The following ROBO2 variants were observed in gnomAD, a reference collection of about 807,000 sequenced individuals.
ROBO2 encodes the protein roundabout homolog 2.
In ROBO2, 53 loss-of-function variants were observed where a neutral mutation model predicts 160.8. The ratio of observed to expected loss-of-function variants is 0.33; its 90% CI spans 0.26 to 0.41. The LOEUF is 0.41. ROBO2 is among the 10% of genes least tolerant of loss of function. ROBO2 has a pLI of 1.00. For missense variants in ROBO2, 1,577 were observed against 1,722.4 expected (o/e 0.92, Z 1.49); for synonymous variants, 664 against 611.7 (o/e 1.09, Z -1.26).
chr3:77,029,049 G>T (rs1221830195), intron 2 of ROBO2, among the ~76,000 whole-genome samples: 3 of 152,110 alleles, frequency 2.0e-5, no homozygotes, highest in Non-Finnish European at 4.4e-5. Flanking sequence ...TATAAATATT[G>T]CTAGTGATAC....
chr3:77,153,845 G>T (rs1334446253), intron 2 of ROBO2, among the ~76,000 whole-genome samples: 2 of 151,666 alleles, frequency 1.3e-5, no homozygotes, highest in African/African-American at 4.8e-5. Flanking sequence ...TTTATAATCG[G>T]GTTATAGCCC....
At chr3:76,399,856 G>T (rs925676291) in intron 2 of ROBO2, among the ~76,000 whole-genome samples, 2 of 151,608 alleles carry the variant, frequency 1.3e-5, no homozygotes, top group African/African-American at 4.8e-5. Flanking sequence ...GAAAAACTAG[G>T]CTCATAGTAT....
At chr3:77,321,982 A>G (rs1156552799) in intron 2 of ROBO2, among the ~76,000 whole-genome samples, 1 of 152,172 alleles carries the variant, frequency 6.6e-6, no homozygotes, top group Admixed American at 6.5e-5. Flanking sequence ...AGTGGTTCTG[A>G]GCAATCAGGA....
At chr3:77,529,350 T>A (rs1041168281) in intron 6 of ROBO2, among the ~76,000 whole-genome samples, 19 of 151,672 alleles carry the variant, frequency 1.3e-4, no homozygotes, top group Non-Finnish European at 2.4e-4. Flanking sequence ...GATGAATGAT[T>A]GAAAACATTT....
At chr3:77,128,440 G>T (rs377296247) in intron 2 of ROBO2, among the ~76,000 whole-genome samples, 2 of 152,266 alleles carry the variant, frequency 1.3e-5, no homozygotes, top group East Asian at 1.9e-4. Flanking sequence ...GTTTTCGAAT[G>T]TATCCCTCAT....
intron 2 of ROBO2, among the ~76,000 whole-genome samples, chr3:76,421,055 T>C (rs192316035): frequency 2.3e-4 from 35 of 152,338 alleles, no homozygotes; most frequent in Admixed American, 2.0e-3. Flanking sequence ...GGGGTATAGC[T>C]AGTTTCACAA....
chr3:76,962,097 G>A (rs1392811260), intron 2 of ROBO2, among the ~76,000 whole-genome samples: 1 of 152,132 alleles, frequency 6.6e-6, no homozygotes, highest in Non-Finnish European at 1.5e-5. Flanking sequence ...CACTTTGGGA[G>A]TCCAAGACGG....
At chr3:76,966,352 C>T (rs1344312812) in intron 2 of ROBO2, among the ~76,000 whole-genome samples, 2 of 152,174 alleles carry the variant, frequency 1.3e-5, no homozygotes, top group Non-Finnish European at 2.9e-5. Context: ...CAGAGATTTA[C>T]CTGTTATTTC....
intron 2 of ROBO2, among the ~76,000 whole-genome samples, chr3:76,771,192 C>T (rs2061883577): frequency 6.6e-6 from 1 of 151,102 alleles, no homozygotes. Flanking sequence ...GAAACATAAC[C>T]AGATTTTCAG....
chr3:76,909,560 A>T (rs6767952), intron 2 of ROBO2, among the ~76,000 whole-genome samples: 6 of 152,284 alleles, frequency 3.9e-5, no homozygotes, highest in Admixed American at 3.3e-4. Context: ...GAAACAAAAA[A>T]AATAATAATT....
intron 2 of ROBO2, among the ~76,000 whole-genome samples, chr3:76,513,006 A>C (rs781214292): frequency 6.6e-6 from 1 of 152,212 alleles, no homozygotes; most frequent in Non-Finnish European, 1.5e-5. Context: ...CCAGAAATAC[A>C]TAACACAGTT....
chr3:77,240,205 C>G (rs778783036), intron 2 of ROBO2, among the ~76,000 whole-genome samples: 31 of 152,134 alleles, frequency 2.0e-4, no homozygotes, highest in Admixed American at 4.6e-4. Flanking sequence ...TCGGGCATGG[C>G]AGGCTGCAGG....
chr3:77,317,222 C>T (rs542977545), intron 2 of ROBO2: 15 of 817,240 alleles, frequency 1.8e-5, no homozygotes, highest in South Asian at 5.4e-5. Flanking sequence ...TGGAAATCCA[C>T]GTCACAGCCC....
Position 76,077,585 on chromosome 3 carries a change from T to C in ROBO2, c.109+139983T>C, listed in dbSNP as rs184370970. 1.1e-3 allele frequency among the ~76,000 whole-genome samples: 171 copies of C among 152,002 alleles called. 1 individual carries two copies. The highest frequency in any genetic ancestry group is 3.9e-3 in the African/African-American group (163 of 41,510). ...CTCAAAATAATATTAACAATAATAA[T>C]AATAATAAAATCATAATGAATTTTC... On this transcript the variant is annotated intron_variant, in intron 2 of 26. Coordinates refer to the ROBO2 transcript ENST00000487694.
intron 2 of ROBO2, among the ~76,000 whole-genome samples, chr3:76,566,216 G>A (rs1043099930): frequency 6.6e-6 from 1 of 152,204 alleles, no homozygotes; most frequent in Admixed American, 6.5e-5. Context: ...ACGTGCTACA[G>A]TTTGCTCAAG....
At chr3:76,002,653 G>A (rs925891813) in intron 2 of ROBO2, among the ~76,000 whole-genome samples, 3 of 152,088 alleles carry the variant, frequency 2.0e-5, no homozygotes, top group African/African-American at 4.8e-5. Context: ...CTGTGAGTTC[G>A]TTAAACCTCT....
chr3:75,911,767 A>G (rs1946601254), intron 1 of ROBO2, among the ~76,000 whole-genome samples: 1 of 151,790 alleles, frequency 6.6e-6, no homozygotes, highest in Non-Finnish European at 1.5e-5. Flanking sequence ...CGTGTTAGCC[A>G]GGATGGTCTC....
At chr3:76,443,422 CCT>C (rs2077020086) in intron 2 of ROBO2, among the ~76,000 whole-genome samples, 1 of 151,976 alleles carries the variant, frequency 6.6e-6, no homozygotes, top group Non-Finnish European at 1.5e-5. Flanking sequence ...CGATGTATCC[CCT>C]GAGTATACGT....
chr3:77,552,380 C>T (rs1166416176), intron 8 of ROBO2, among the ~76,000 whole-genome samples: 1 of 151,906 alleles, frequency 6.6e-6, no homozygotes, highest in African/African-American at 2.4e-5. Flanking sequence ...AAAAGGCAAA[C>T]CATATTTGTG....
Sources: gnomAD v4.1 joint callset for allele counts (sites outside exome capture counted in the v4.1 genomes callset) on GRCh38, gnomAD v4.1.1 for gene constraint, MANE v1.5 for transcripts, NCBI Gene and HGNC (gene_info 2026-07-23, HGNC 2026-07-21) for gene names.